NEK11: variants seen among roughly 807,000 people sequenced by gnomAD.
NEK11 encodes the protein serine/threonine-protein kinase Nek11.
In NEK11, 72 loss-of-function variants were observed where a neutral mutation model predicts 80.7. The ratio of observed to expected loss-of-function variants is 0.89; its 90% CI spans 0.74 to 1.08. The LOEUF (loss-of-function observed/expected upper bound fraction) is 1.08. Among genes scored for constraint, NEK11 ranks in the 50% least tolerant of loss-of-function variants. The pLI, the probability that NEK11 is intolerant of heterozygous loss-of-function variation, is 0.00. For synonymous variants in NEK11, 251 were observed against 260.7 expected (o/e 0.96, Z 0.36); for missense variants, 764 against 763.6 (o/e 1.00, Z -0.01).
chr3:131,080,217 A>T (rs116424267), intron 3 of NEK11, among the ~76,000 whole-genome samples: 1,952 of 152,222 alleles, frequency 0.013, 57 homozygotes, highest in African/African-American at 0.045. Context: ...TGTAGGATAC[A>T]CAGATGAGGA....
At chr3:131,153,182 T>G (rs1390213759) in intron 9 of NEK11, among the ~76,000 whole-genome samples, 1 of 152,170 alleles carries the variant, frequency 6.6e-6, no homozygotes, top group African/African-American at 2.4e-5. Flanking sequence ...CATTCCCCAG[T>G]GCCACTGAAA....
chr3:131,166,971 A>T (rs1162138865), intron 12 of NEK11, among the ~76,000 whole-genome samples: 2 of 152,242 alleles, frequency 1.3e-5, no homozygotes, highest in East Asian at 3.8e-4. Context: ...TGAGAACTGC[A>T]CATTCCCACA....
intron 14 of NEK11, among the ~76,000 whole-genome samples, chr3:131,200,234 G>A (rs1462015272): frequency 6.6e-6 from 1 of 152,156 alleles, no homozygotes; most frequent in Non-Finnish European, 1.5e-5. Flanking sequence ...CTTCCAACCT[G>A]TAATTCATAG....
intron 5 of NEK11, among the ~76,000 whole-genome samples, chr3:131,122,724 A>G (rs977345942): frequency 1.3e-5 from 2 of 152,234 alleles, no homozygotes; most frequent in Non-Finnish European, 2.9e-5. Context: ...GGAATTGTCC[A>G]TACCTTCTCC....
intron 4 of NEK11, among the ~76,000 whole-genome samples, chr3:131,098,262 A>G (rs568922426): frequency 6.6e-6 from 1 of 152,354 alleles, no homozygotes; most frequent in East Asian, 1.9e-4. Context: ...CTTCATGTCT[A>G]AAACACCAAA....
intron 4 of NEK11, among the ~76,000 whole-genome samples, chr3:131,096,704 T>G (rs2077481338): frequency 6.6e-6 from 1 of 151,856 alleles, no homozygotes; most frequent in South Asian, 2.1e-4. Context: ...TTTTTTGACT[T>G]TTTATTTTAA....
chr3:131,232,914 G>A (rs2095357380), intron 15 of NEK11, among the ~76,000 whole-genome samples: 1 of 151,364 alleles, frequency 6.6e-6, no homozygotes. Context: ...GACAGAATTA[G>A]AAATAAAAAG....
At chr3:131,163,387 C>T (rs2091869167) in intron 11 of NEK11, among the ~76,000 whole-genome samples, 1 of 152,120 alleles carries the variant, frequency 6.6e-6, no homozygotes, top group South Asian at 2.1e-4. Flanking sequence ...TATAAATACA[C>T]ACAATGGAGT....
chr3:131,136,945 C>T (rs1449341413), intron 7 of NEK11, among the ~76,000 whole-genome samples: 1 of 152,134 alleles, frequency 6.6e-6, no homozygotes, highest in Non-Finnish European at 1.5e-5. Flanking sequence ...AATGGTACTG[C>T]AATTAGACAG....
chr3:131,126,959 C>CTTTTTTTTTTTTTTTTTTTT (rs71133688), intron 5 of NEK11, among the ~76,000 whole-genome samples: 8 of 90,120 alleles, frequency 8.9e-5, no homozygotes, highest in East Asian at 6.5e-4. Flanking sequence ...TTCTTTCTTT[C>CTTTTTTTTTTTTTTTTTTTT]TTTTTTTTTT....
At chr3:131,236,604 CA>C (rs2095435532) in intron 15 of NEK11, among the ~76,000 whole-genome samples, 1 of 152,170 alleles carries the variant, frequency 6.6e-6, no homozygotes, top group South Asian at 2.1e-4. Context: ...CACGTTTCAG[CA>C]ATTCGGAATT....
At chr3:131,203,625 T>G (rs2094328128) in intron 14 of NEK11, among the ~76,000 whole-genome samples, 1 of 140,926 alleles carries the variant, frequency 7.1e-6, no homozygotes, top group South Asian at 2.3e-4. Flanking sequence ...AAACAAAAAT[T>G]TTCAAAACGG....
At chr3:131,250,613 A>C (rs957668258) in intron 16 of NEK11, among the ~76,000 whole-genome samples, 3 of 152,076 alleles carry the variant, frequency 2.0e-5, no homozygotes, top group African/African-American at 7.2e-5. Context: ...TATAGGAGAG[A>C]GGTTAAGGGG....
chr3:131,283,137 G>A (rs1437188280), intron 17 of NEK11, among the ~76,000 whole-genome samples: 1 of 152,200 alleles, frequency 6.6e-6, no homozygotes, highest in African/African-American at 2.4e-5. Flanking sequence ...TCAAATAGAA[G>A]TGTAGTTAAT....
intron 16 of NEK11, among the ~76,000 whole-genome samples, chr3:131,245,080 A>C (rs987759108): frequency 5.9e-5 from 9 of 151,848 alleles, no homozygotes; most frequent in Non-Finnish European, 1.2e-4. Flanking sequence ...TTTATCACTC[A>C]CCTCTCTCCC....
intron 17 of NEK11, among the ~76,000 whole-genome samples, chr3:131,317,037 A>G (rs2109591232): frequency 6.6e-6 from 1 of 152,312 alleles, no homozygotes; most frequent in Non-Finnish European, 1.5e-5. Flanking sequence ...GCTTGGACTC[A>G]AACTATTTTA....
At chr3:131,038,072 TA>T (rs11369199) in intron 3 of NEK11, among the ~76,000 whole-genome samples, 7 of 150,106 alleles carry the variant, frequency 4.7e-5, no homozygotes, top group Middle Eastern at 6.8e-3. Flanking sequence ...TTCTCACAGT[TA>T]AAAAAAAAAT....
intron 12 of NEK11, among the ~76,000 whole-genome samples, chr3:131,165,814 A>G (rs927265876): frequency 1.3e-5 from 2 of 152,232 alleles, no homozygotes; most frequent in African/African-American, 4.8e-5. Flanking sequence ...TAGCTGACAG[A>G]ACAAATGTGT....
At chr3:131,233,047 A>G (rs1276077899) in intron 15 of NEK11, among the ~76,000 whole-genome samples, 1 of 150,724 alleles carries the variant, frequency 6.6e-6, no homozygotes, top group Non-Finnish European at 1.5e-5. Flanking sequence ...GTTGGATGAG[A>G]ACCTCAGGCT....
Sources: gnomAD v4.1 joint callset for allele counts (sites outside exome capture counted in the v4.1 genomes callset) on GRCh38, gnomAD v4.1.1 for gene constraint, MANE v1.5 for transcripts, NCBI Gene and HGNC (gene_info 2026-07-23, HGNC 2026-07-21) for gene names.